CPS1: variants seen among roughly 807,000 people sequenced by gnomAD.
CPS1 encodes carbamoyl-phosphate synthase 1, also known as carbamoyl-phosphate synthase [ammonia], mitochondrial.
CPS1 carries 109 observed loss-of-function variants against 174.6 expected under a neutral mutation model. That is an observed-to-expected ratio of 0.62 (90% confidence interval 0.53 to 0.73). CPS1 has a LOEUF of 0.73. Ranked by LOEUF, CPS1 falls within the 30% of genes least tolerant of loss-of-function variation. The probability of loss-of-function intolerance (pLI) is 0.00; values close to 1 mark genes in which losing one functional copy is unlikely to be tolerated. For synonymous variants in CPS1, 637 were observed against 632.0 expected, an observed-to-expected ratio of 1.01 and a Z score of -0.12; for missense variants, 1,689 against 1,821.9, an observed-to-expected ratio of 0.93 and a Z score of 1.33.
At chr2:210,655,004 G>C (rs150952044) in intron 29 of CPS1, among the ~76,000 whole-genome samples, 9 of 152,212 alleles carry the variant, frequency 5.9e-5, no homozygotes, top group African/African-American at 1.9e-4. Context: ...CTGGAAGGTG[G>C]TCATCTGTTT....
At chr2:210,497,295 A>G (rs1695013552) in intron 1 of CPS1, among the ~76,000 whole-genome samples, 1 of 152,234 alleles carries the variant, frequency 6.6e-6, no homozygotes. Context: ...GAACATGTTA[A>G]TAAGCTGAAT....
intron 35 of CPS1, 115 bp from the exon 36 acceptor site, chr2:210,675,613 A>G: frequency 1.4e-6 from 1 of 719,294 alleles, no homozygotes; most frequent in Non-Finnish European, 2.6e-6. Context: ...TATCCATGGC[A>G]CTATACTACT....
chr2:210,674,822 G>C, intron 34 of CPS1, 80 bp from the exon 35 acceptor site: 1 of 1,110,026 alleles, frequency 9.0e-7, no homozygotes, highest in Non-Finnish European at 1.4e-6. Context: ...TGTCTTTTAA[G>C]ATGTTGTAAG....
chr2:210,569,176 C>T (rs987322694), intron 1 of CPS1, among the ~76,000 whole-genome samples: 3 of 151,900 alleles, frequency 2.0e-5, no homozygotes, highest in African/African-American at 7.3e-5. Flanking sequence ...ATGAAGTTCA[C>T]TTTCTAATGT....
intron 24 of CPS1, among the ~76,000 whole-genome samples, chr2:210,640,488 C>T (rs184551348): frequency 2.1e-3 from 320 of 152,256 alleles, no homozygotes; most frequent in Non-Finnish European, 3.5e-3. Flanking sequence ...ATATGACTTT[C>T]GTTTACCTCA....
At chr2:210,502,990 G>A (rs552361907) in intron 1 of CPS1, among the ~76,000 whole-genome samples, 1 of 152,228 alleles carries the variant, frequency 6.6e-6, no homozygotes, top group African/African-American at 2.4e-5. Context: ...AGAAGACCCA[G>A]GCACTGACCT....
At chr2:210,509,123 A>C (rs1349601586) in intron 1 of CPS1, among the ~76,000 whole-genome samples, 1 of 152,204 alleles carries the variant, frequency 6.6e-6, no homozygotes, top group Non-Finnish European at 1.5e-5. Flanking sequence ...TCAATGCAAA[A>C]ATCCTCAATA....
intron 18 of CPS1, among the ~76,000 whole-genome samples, chr2:210,607,980 A>G (rs1698978185): frequency 6.6e-6 from 1 of 151,254 alleles, no homozygotes; most frequent in Non-Finnish European, 1.5e-5. Context: ...ACAGATATGT[A>G]TATGTACAGA....
At chr2:210,510,324 T>C (rs1201985483) in intron 1 of CPS1, among the ~76,000 whole-genome samples, 1 of 152,152 alleles carries the variant, frequency 6.6e-6, no homozygotes, top group African/African-American at 2.4e-5. Context: ...TGGCTAGCCA[T>C]ATGTAGAAAG....
chr2:210,605,999 C>A (rs1386488986), intron 17 of CPS1, among the ~76,000 whole-genome samples: 1 of 151,864 alleles, frequency 6.6e-6, no homozygotes, highest in Non-Finnish European at 1.5e-5. Context: ...ACTGTACCAA[C>A]TAAGCCAATG....
chr2:210,550,439 ACTAGC>A (rs1157698980), intron 1 of CPS1, among the ~76,000 whole-genome samples: 1 of 151,996 alleles, frequency 6.6e-6, no homozygotes, highest in Non-Finnish European at 1.5e-5. Context: ...TTTGCAACTT[ACTAGC>A]TGTGTGACCT....
At chr2:210,478,144 A>T (rs1423998543) in intron 1 of CPS1, among the ~76,000 whole-genome samples, 1 of 152,196 alleles carries the variant, frequency 6.6e-6, no homozygotes, top group African/African-American at 2.4e-5. Context: ...TTCTGTACTT[A>T]ATTTCCCCAA....
At chr2:210,540,425 G>A (rs557150095) in intron 1 of CPS1, among the ~76,000 whole-genome samples, 1 of 152,150 alleles carries the variant, frequency 6.6e-6, no homozygotes, top group African/African-American at 2.4e-5. Flanking sequence ...CTATCATTTT[G>A]TGCACATGTT....
At chr2:210,633,278 C>T (rs1206803818) in intron 21 of CPS1, among the ~76,000 whole-genome samples, 1 of 151,418 alleles carries the variant, frequency 6.6e-6, no homozygotes, top group Non-Finnish European at 1.5e-5. Context: ...TTTTTTTCGT[C>T]ACCAGAGCTG....
chr2:210,615,609 C>G (rs972658791), intron 20 of CPS1, among the ~76,000 whole-genome samples: 3 of 151,862 alleles, frequency 2.0e-5, no homozygotes, highest in Non-Finnish European at 2.9e-5. Context: ...TACACACATA[C>G]AAGAATAAGA....
chr2:210,554,849 AC>A (rs1696855190), upstream of CPS1, among the ~76,000 whole-genome samples: 1 of 151,616 alleles, frequency 6.6e-6, no homozygotes, highest in Non-Finnish European at 1.5e-5. Flanking sequence ...ACACACACAC[AC>A]ACACACACAC....
At chr2:210,584,027 G>A (rs1698017118) in intron 6 of CPS1, among the ~76,000 whole-genome samples, 1 of 152,102 alleles carries the variant, frequency 6.6e-6, no homozygotes, top group South Asian at 2.1e-4. Context: ...GTTAGGTTGA[G>A]CATAGTGATT....
intron 20 of CPS1, among the ~76,000 whole-genome samples, chr2:210,614,972 G>A (rs182395678): frequency 4.3e-4 from 66 of 151,860 alleles, no homozygotes; most frequent in African/African-American, 1.5e-3. Flanking sequence ...ATCATGGCCC[G>A]TGTATACCTA....
At chr2:210,587,965 C>T in intron 6 of CPS1, 93 bp from the exon 7 acceptor site, 1 of 1,098,240 alleles carries the variant, frequency 9.1e-7, no homozygotes, top group South Asian at 1.2e-5. Flanking sequence ...TGTTACCAAT[C>T]TAAGTTCAAA....
Sources: allele counts gnomAD v4.1 joint callset (sites outside exome capture counted in the v4.1 genomes callset), GRCh38; gene constraint gnomAD v4.1.1; transcripts MANE v1.5; gene names NCBI Gene and HGNC (gene_info 2026-07-23, HGNC 2026-07-21).